ASTN2: variants seen among roughly 807,000 people sequenced by gnomAD.
ASTN2 encodes astrotactin-2.
ASTN2 carries 54 observed loss-of-function variants against 139.8 expected under a neutral mutation model. That is an observed-to-expected ratio of 0.39 (90% CI 0.31 to 0.48). ASTN2 has a LOEUF of 0.48. ASTN2 is among the 20% of genes least tolerant of loss of function. The pLI is 0.95. For missense variants in ASTN2, 1,565 were observed against 1,725.1 expected, an observed-to-expected ratio of 0.91 and a Z score of 1.64; for synonymous variants, 756 against 719.5, an observed-to-expected ratio of 1.05 and a Z score of -0.81.
At chr9:117,147,829 A>G (rs550950650) in intron 3 of ASTN2, among the ~76,000 whole-genome samples, 3 of 152,286 alleles carry the variant, frequency 2.0e-5, no homozygotes, top group South Asian at 2.1e-4. Flanking sequence ...GGTGACTCCA[A>G]TGCTCTGGCC....
At chr9:117,046,291 G>A (rs892199749) in intron 5 of ASTN2, among the ~76,000 whole-genome samples, 9 of 152,058 alleles carry the variant, frequency 5.9e-5, no homozygotes, top group South Asian at 4.1e-4. Flanking sequence ...ATGAGCCACC[G>A]TGCCCGGACT....
intron 19 of ASTN2, among the ~76,000 whole-genome samples, chr9:116,499,515 C>G (rs1266100491): frequency 1.3e-5 from 2 of 152,164 alleles, no homozygotes; most frequent in Non-Finnish European, 2.9e-5. Flanking sequence ...CCCTGTGTCC[C>G]TCTCTATTAT....
intron 16 of ASTN2, among the ~76,000 whole-genome samples, chr9:116,669,394 C>T (rs1245764669): frequency 6.6e-6 from 1 of 152,158 alleles, no homozygotes; most frequent in Non-Finnish European, 1.5e-5. Context: ...AACAAACAAA[C>T]AAACAAACAA....
At chr9:117,182,363 T>G (rs545779587) in intron 3 of ASTN2, among the ~76,000 whole-genome samples, 2 of 151,590 alleles carry the variant, frequency 1.3e-5, no homozygotes, top group African/African-American at 4.8e-5. Flanking sequence ...ACCCCACAGA[T>G]GCACACATGG....
intron 1 of ASTN2, among the ~76,000 whole-genome samples, chr9:117,308,213 AAATCAATCAATC>A (rs112764473): frequency 0.3 from 44,984 of 150,232 alleles, 7,693 homozygotes; most frequent in East Asian, 0.45. Flanking sequence ...TGCTGGGGCA[AAATCAATCAATC>A]AATCAATCAA....
intron 4 of ASTN2, among the ~76,000 whole-genome samples, chr9:117,128,543 T>C (rs1256253028): frequency 1.3e-5 from 2 of 152,180 alleles, no homozygotes; most frequent in African/African-American, 4.8e-5. Context: ...ATCTTGTGGC[T>C]AATGTGTTAA....
chr9:117,062,889 C>T (rs67463947), intron 5 of ASTN2, among the ~76,000 whole-genome samples: 23,136 of 152,160 alleles, frequency 0.15, 2,044 homozygotes, highest in Admixed American at 0.24. Context: ...CATATCAATA[C>T]GCAGGAAGAC....
intron 4 of ASTN2, among the ~76,000 whole-genome samples, chr9:117,101,926 T>C (rs550052966): frequency 2.0e-5 from 3 of 152,194 alleles, no homozygotes; most frequent in Non-Finnish European, 4.4e-5. Flanking sequence ...CATACATTGC[T>C]GCTGGATATG....
chr9:116,797,760 C>CT (rs1045365495), intron 13 of ASTN2, among the ~76,000 whole-genome samples: 6 of 152,206 alleles, frequency 3.9e-5, no homozygotes, highest in African/African-American at 1.2e-4. Flanking sequence ...ACAAACACAA[C>CT]TTTCCAGGCC....
chr9:116,954,010 G>A (rs766229758), intron 10 of ASTN2, among the ~76,000 whole-genome samples: 1 of 152,044 alleles, frequency 6.6e-6, no homozygotes, highest in Non-Finnish European at 1.5e-5. Context: ...GGTTACACAG[G>A]GCTTGGTTTT....
chr9:116,644,373 G>A (rs1857489058), intron 17 of ASTN2, among the ~76,000 whole-genome samples: 2 of 152,098 alleles, frequency 1.3e-5, no homozygotes, highest in Middle Eastern at 3.4e-3. Flanking sequence ...AAACCCGAGG[G>A]CTGGAAAGAA....
chr9:116,662,854 T>G (rs1335366810), intron 16 of ASTN2, among the ~76,000 whole-genome samples: 1 of 152,162 alleles, frequency 6.6e-6, no homozygotes, highest in Non-Finnish European at 1.5e-5. Flanking sequence ...ATGTCGTAAT[T>G]TTTTACAACT....
chr9:116,930,901 G>A (rs978236204), intron 10 of ASTN2, among the ~76,000 whole-genome samples: 5 of 151,562 alleles, frequency 3.3e-5, no homozygotes, highest in South Asian at 2.1e-4. Flanking sequence ...CCAATGCTTC[G>A]GAAACTCATT....
intron 10 of ASTN2, among the ~76,000 whole-genome samples, chr9:116,880,972 C>A (rs545916425): frequency 6.6e-6 from 1 of 152,114 alleles, no homozygotes; most frequent in Admixed American, 6.6e-5. Context: ...CAAAATGAAG[C>A]GATGACTTTT....
In ASTN2 at chr9:116,447,291, C is replaced by T. The variant is rs116342326; in HGVS notation, c.3498-4738G>A. On this transcript the variant is annotated intron_variant, in intron 20 of 22. Transcript: ENST00000313400. ...TGCTTAGCCCTCCTTTTCCCCTGCACGGTGCCCATGCCATATGGTGCACAT... is the reference window on the plus strand; with the variant it reads ...TGCTTAGCCCTCCTTTTCCCCTGCATGGTGCCCATGCCATATGGTGCACAT... 2.9e-3 allele frequency among the ~76,000 whole-genome samples: 440 copies of T among 152,276 alleles called. 4 individuals are homozygous for T. The highest frequency in any genetic ancestry group is 9.9e-3 in the African/African-American group (410 of 41,558).
intron 5 of ASTN2, among the ~76,000 whole-genome samples, chr9:117,051,216 GCTTATTAA>G (rs1838903077): frequency 1.0e-5 from 1 of 100,036 alleles, no homozygotes; most frequent in Non-Finnish European, 2.3e-5. Flanking sequence ...TAAACTTGGA[GCTTATTAA>G]CTAAAAAAAA....
rs187208202 is a variant in ASTN2 at position 116,503,321 on chromosome 9, G to T, written c.3356-15821C>A. Among the ~76,000 whole-genome samples the T allele has an allele frequency of 4.6e-5, 7 of 152,036 alleles. No homozygotes were observed. In the South Asian group the frequency reaches 8.3e-4, roughly 18 times the overall value. On this transcript the variant is annotated intron_variant, in intron 19 of 22. Coordinates refer to ENST00000313400, the MANE Select transcript of ASTN2 (RefSeq NM_001365068.1). ...GGGCAGATGATCTGGGAGGAGGAGG[G>T]GGGGAGAGTGAGAGGGTGACTGGCA... is the stretch of plus-strand genomic sequence containing the variant.
chr9:117,327,240 C>T (rs1235708130), intron 1 of ASTN2, among the ~76,000 whole-genome samples: 1 of 152,122 alleles, frequency 6.6e-6, no homozygotes, highest in Non-Finnish European at 1.5e-5. Context: ...CCCACCAGGC[C>T]ATGGACTGGT....
At chr9:116,912,733 A>G (rs1414688289) in intron 10 of ASTN2, among the ~76,000 whole-genome samples, 3 of 152,016 alleles carry the variant, frequency 2.0e-5, no homozygotes, top group African/African-American at 7.2e-5. Context: ...TTTGCTTTGC[A>G]TGGGTATGCA....
Sources: allele counts gnomAD v4.1 joint callset (sites outside exome capture counted in the v4.1 genomes callset), GRCh38; gene constraint gnomAD v4.1.1; transcripts MANE v1.5; gene names NCBI Gene and HGNC (gene_info 2026-07-23, HGNC 2026-07-21).